USP32: variants seen among roughly 807,000 people sequenced by gnomAD.
The protein encoded by USP32 is ubiquitin carboxyl-terminal hydrolase 32.
In USP32, 59 loss-of-function variants were observed where a neutral mutation model predicts 204.8. The ratio of observed to expected loss-of-function variants is 0.29; its 90% CI spans 0.23 to 0.36. USP32 has a LOEUF of 0.36. Among genes scored for constraint, USP32 ranks in the 10% least tolerant of loss-of-function variants. USP32 has a pLI of 1.00. For missense variants in USP32, 1,160 were observed against 1,946.4 expected, an observed-to-expected ratio of 0.60 and a Z score of 7.60; for synonymous variants, 517 against 678.4, an observed-to-expected ratio of 0.76 and a Z score of 3.70.
chr17:60,215,883 A>G (rs2085088320), intron 16 of USP32, among the ~76,000 whole-genome samples: 1 of 152,104 alleles, frequency 6.6e-6, no homozygotes, highest in Admixed American at 6.5e-5. Flanking sequence ...CTTCCCAAGT[A>G]GAGACAGGGT....
At chr17:60,252,341 A>G (rs1377310331) in intron 11 of USP32, 40 bp downstream of exon 11, 6 of 1,461,790 alleles carry the variant, frequency 4.1e-6, no homozygotes, top group Non-Finnish European at 5.7e-6. Flanking sequence ...TATTTCAAGT[A>G]TGTGAAATTT....
intron 2 of USP32, among the ~76,000 whole-genome samples, chr17:60,308,221 T>C (rs970155738): frequency 1.5e-4 from 23 of 152,176 alleles, no homozygotes; most frequent in African/African-American, 2.7e-4. Context: ...GAGGGTCTAA[T>C]TGAGCTGATA....
At chr17:60,184,159 C>CA (rs1341866114) in intron 30 of USP32, among the ~76,000 whole-genome samples, 1 of 151,412 alleles carries the variant, frequency 6.6e-6, no homozygotes, top group African/African-American at 2.4e-5. Context: ...AAAAAACACA[C>CA]AAAAAATTAG....
chr17:60,349,610 TATATATATATATATTA>T (rs1362525601), intron 1 of USP32, among the ~76,000 whole-genome samples: 1 of 66,584 alleles, frequency 1.5e-5, no homozygotes, highest in Non-Finnish European at 2.4e-5. Flanking sequence ...TATATATATA[TATATATATATATATTA>T]TATATATATA....
At chr17:60,193,621 TG>T (rs1322205354) in intron 27 of USP32, among the ~76,000 whole-genome samples, 135 of 152,106 alleles carry the variant, frequency 8.9e-4, no homozygotes, top group African/African-American at 3.1e-3. Flanking sequence ...TGCAGTGAGC[TG>T]AGTTCAATAA....
intron 16 of USP32, among the ~76,000 whole-genome samples, chr17:60,216,633 T>A (rs2085110772): frequency 6.6e-6 from 1 of 152,268 alleles, no homozygotes; most frequent in Non-Finnish European, 1.5e-5. Flanking sequence ...TTCTATAGCC[T>A]TGTCTGTAGA....
At chr17:60,382,436 C>T (rs10432039) in intron 1 of USP32, among the ~76,000 whole-genome samples, 21,252 of 152,204 alleles carry the variant, frequency 0.14, 3,204 homozygotes, top group African/African-American at 0.37. Flanking sequence ...ATTTTCATAA[C>T]AAGCCCTGTA....
intron 1 of USP32, among the ~76,000 whole-genome samples, chr17:60,411,107 T>A (rs2090014930): frequency 6.6e-6 from 1 of 151,948 alleles, no homozygotes; most frequent in African/African-American, 2.4e-5. Context: ...GGCAGGCGGA[T>A]CACCTGAGGT....
intron 1 of USP32, among the ~76,000 whole-genome samples, chr17:60,414,413 G>A (rs1408199703): frequency 6.6e-6 from 1 of 151,310 alleles, no homozygotes; most frequent in African/African-American, 2.4e-5. Flanking sequence ...AACTTCCTTG[G>A]TGATTGTTTT....
intron 1 of USP32, among the ~76,000 whole-genome samples, chr17:60,388,367 G>T (rs1598309218): frequency 1.3e-5 from 2 of 151,456 alleles, no homozygotes; most frequent in South Asian, 4.1e-4. Context: ...AGGAAGGACA[G>T]AGAAGCAGAT....
chr17:60,228,975 T>G (rs57828025), intron 12 of USP32, among the ~76,000 whole-genome samples: 3,195 of 151,994 alleles, frequency 0.021, 130 homozygotes, highest in African/African-American at 0.073. Context: ...TTAAATTAGG[T>G]TTCAAAAGAA....
At chr17:60,224,372 T>C (rs73322922) in intron 13 of USP32, among the ~76,000 whole-genome samples, 135 of 152,352 alleles carry the variant, frequency 8.9e-4, no homozygotes, top group African/African-American at 2.8e-3. Context: ...TAAGTGATCT[T>C]TGTAATACCA....
intron 1 of USP32, among the ~76,000 whole-genome samples, chr17:60,383,477 T>C (rs1170154861): frequency 6.6e-6 from 1 of 152,148 alleles, no homozygotes; most frequent in Non-Finnish European, 1.5e-5. Context: ...ATCCTGACAC[T>C]GGGGATTCAG....
chr17:60,341,158 T>A (rs1442879940), intron 2 of USP32, among the ~76,000 whole-genome samples: 1 of 151,792 alleles, frequency 6.6e-6, no homozygotes, highest in Admixed American at 6.6e-5. Context: ...TTGGGGTTGC[T>A]CTTCTTGAGG....
intron 1 of USP32, among the ~76,000 whole-genome samples, chr17:60,384,461 A>G (rs1192712597): frequency 6.6e-6 from 1 of 152,228 alleles, no homozygotes; most frequent in East Asian, 1.9e-4. Flanking sequence ...GTTTCAAAAC[A>G]TCAGTTTTCC....
intron 1 of USP32, among the ~76,000 whole-genome samples, chr17:60,347,327 G>C (rs2088809672): frequency 6.6e-6 from 1 of 150,472 alleles, no homozygotes; most frequent in Admixed American, 6.6e-5. Flanking sequence ...TGGGAATACA[G>C]GTGCGCACCA....
chr17:60,180,813 AG>A (rs1458204689), intron 32 of USP32, among the ~76,000 whole-genome samples, 176 bp from the exon 33 acceptor site: 1 of 151,986 alleles, frequency 6.6e-6, no homozygotes, highest in Non-Finnish European at 1.5e-5. Flanking sequence ...AAAATACAAA[AG>A]TCATAAGCTC....
chr17:60,339,158 G>A (rs1012793162), intron 2 of USP32, among the ~76,000 whole-genome samples: 1 of 151,772 alleles, frequency 6.6e-6, no homozygotes, highest in Non-Finnish European at 1.5e-5. Context: ...TGATCTGCCC[G>A]TCTCAGCCTC....
At chr17:60,336,402 T>G (rs2088516742) in intron 2 of USP32, among the ~76,000 whole-genome samples, 1 of 143,246 alleles carries the variant, frequency 7.0e-6, no homozygotes, top group Non-Finnish European at 1.5e-5. Flanking sequence ...CTTGAAATCT[T>G]TTTTGTCCTG....
Sources: allele counts gnomAD v4.1 joint callset (sites outside exome capture counted in the v4.1 genomes callset), GRCh38; gene constraint gnomAD v4.1.1; transcripts MANE v1.5; gene names NCBI Gene and HGNC (gene_info 2026-07-23, HGNC 2026-07-21).